TRPM2: variants seen among roughly 807,000 people sequenced by gnomAD.
TRPM2 encodes transient receptor potential cation channel subfamily M member 2, also known as estrogen-responsive element-associated gene 1 protein.
TRPM2 carries 161 observed loss-of-function variants against 174.0 expected under a neutral mutation model. That is an observed-to-expected ratio of 0.93 (90% CI 0.81 to 1.05). TRPM2 has a LOEUF of 1.05. TRPM2 is among the 50% of genes least tolerant of loss of function. The pLI, the probability that TRPM2 is intolerant of heterozygous loss-of-function variation, is 0.00. For synonymous variants in TRPM2, 954 were observed against 861.3 expected, an observed-to-expected ratio of 1.11 and a Z score of -1.88; for missense variants, 2,057 against 2,038.0, an observed-to-expected ratio of 1.01 and a Z score of -0.18.
chr21:44,351,948 G>A (rs1182834311), upstream of TRPM2, among the ~76,000 whole-genome samples: 1 of 152,222 alleles, frequency 6.6e-6, no homozygotes, highest in Admixed American at 6.5e-5. Context: ...TTAAGGCAGA[G>A]AGTCCCACAC....
In TRPM2 at chr21:44,399,227, T is replaced by C. The variant is rs2049527163; in HGVS notation, c.2063-69T>C. ...GTGGTGCTGTCCCGAGTGGTTGCCCTCTGACCCGTCCCCAGGGCTCAGTGA... is the reference window on the plus strand; with the variant it reads ...GTGGTGCTGTCCCGAGTGGTTGCCCCCTGACCCGTCCCCAGGGCTCAGTGA... On this transcript the variant is annotated intron_variant, in intron 13 of 31. Coordinates refer to ENST00000397928, the MANE Select transcript of TRPM2 (RefSeq NM_003307.4). This position sits in a 1 kb window ranked among gnomAD's most constrained non-coding sequence, Gnocchi z 4.6. 6.4e-7 allele frequency: 1 copy of C among 1,555,030 alleles called. No homozygotes were observed. Among genetic ancestry groups the C allele is most frequent in the African/African-American group, 1.4e-5 (1 of 73,776 alleles).
At chr21:44,406,786 G>A (rs1296484899) in intron 19 of TRPM2, 21 bp downstream of exon 19, 8 of 1,584,962 alleles carry the variant, frequency 5.0e-6, no homozygotes, top group African/African-American at 1.3e-5. Flanking sequence ...GGCGCCATGG[G>A]AGCTCGGGTG....
chr21:44,410,937 T>G (rs72497619), intron 19 of TRPM2, among the ~76,000 whole-genome samples: 1 of 62,776 alleles, frequency 1.6e-5, no homozygotes, highest in East Asian at 6.5e-4. Context: ...AGTTTTGACC[T>G]CACTGTCTTG....
chr21:44,376,755 T>C lies in TRPM2; in HGVS notation c.952+742T>C, dbSNP rs1294328080. On this transcript the variant is annotated intron_variant, in intron 6 of 31. Transcript: ENST00000397928. The surrounding 1 kb of genome is among the most constrained non-coding windows in gnomAD (Gnocchi z 4.2). Reference sequence around the variant, plus strand: ...GAACGGGAGGTGTCTGACCTGTGGCTGGGTGGGCTGGGGTCCCTTGCAGGG... The same window carrying C: ...GAACGGGAGGTGTCTGACCTGTGGCCGGGTGGGCTGGGGTCCCTTGCAGGG... Among the ~76,000 whole-genome samples, 1 of 152,146 alleles carries C rather than the reference T, an allele frequency of 6.6e-6. No individual in the cohort carries two copies. The highest frequency in any genetic ancestry group is 1.5e-5 in the Non-Finnish European group (1 of 68,008).
intron 9 of TRPM2, among the ~76,000 whole-genome samples, chr21:44,387,299 AG>A (rs1174467592): frequency 1.3e-5 from 2 of 152,254 alleles, no homozygotes; most frequent in Non-Finnish European, 2.9e-5. Context: ...TCATTCAGTG[AG>A]GAGAGGGACA....
chr21:44,427,669 G>A (rs932021290), intron 27 of TRPM2, among the ~76,000 whole-genome samples: 2 of 152,180 alleles, frequency 1.3e-5, no homozygotes, highest in Non-Finnish European at 2.9e-5. Context: ...ACCAGAACCT[G>A]GGACTGGGGG....
intron 5 of TRPM2, 84 bp downstream of exon 5, chr21:44,369,427 T>C: frequency 6.7e-7 from 1 of 1,488,562 alleles, no homozygotes; most frequent in Admixed American, 2.1e-5. Flanking sequence ...GCAGGTGGAG[T>C]GTACGGGGGC....
intron 22 of TRPM2, chr21:44,422,535 G>A: frequency 7.5e-7 from 1 of 1,329,632 alleles, no homozygotes; most frequent in Non-Finnish European, 1.0e-6. Context: ...TTTAAAGTGG[G>A]TCATATCCCC....
chr21:44,429,278 C>CTTTTT (rs35708355), intron 27 of TRPM2, among the ~76,000 whole-genome samples: 485 of 44,070 alleles, frequency 0.011, no homozygotes, highest in East Asian at 0.016. Flanking sequence ...TTTTCTTTTT[C>CTTTTT]TTTTTTTTTT....
intron 2 of TRPM2, among the ~76,000 whole-genome samples, chr21:44,360,234 G>A (rs2048173615): frequency 6.6e-6 from 1 of 152,204 alleles, no homozygotes; most frequent in Non-Finnish European, 1.5e-5. Flanking sequence ...GTTAGCAGTT[G>A]AAGAAAGAGA....
chr21:44,427,225 C>A, intron 27 of TRPM2, 114 bp downstream of exon 27: 2 of 878,742 alleles, frequency 2.3e-6, no homozygotes, highest in Non-Finnish European at 3.4e-6. Flanking sequence ...TCAAAAAAAG[C>A]ACGTGAGCCA....
intron 9 of TRPM2, among the ~76,000 whole-genome samples, chr21:44,387,057 A>C (rs541807502): frequency 7.2e-5 from 11 of 152,084 alleles, no homozygotes; most frequent in Non-Finnish European, 1.5e-4. Context: ...AAGGTGGTTC[A>C]TGCTTGTAGT....
intron 27 of TRPM2, among the ~76,000 whole-genome samples, chr21:44,429,993 C>T (rs2050967716): frequency 6.6e-6 from 1 of 152,148 alleles, no homozygotes; most frequent in African/African-American, 2.4e-5. Context: ...CTGAATGCTA[C>T]TAAATGGTTT....
chr21:44,373,638 G>GCAT (rs2048609872), intron 5 of TRPM2, among the ~76,000 whole-genome samples: 9 of 142,814 alleles, frequency 6.3e-5, no homozygotes, highest in Admixed American at 2.1e-4. Flanking sequence ...TATGCGACCC[G>GCAT]GATAGGCTGA....
At chr21:44,381,882 G>C (rs1427931878) in intron 8 of TRPM2, among the ~76,000 whole-genome samples, 2 of 151,138 alleles carry the variant, frequency 1.3e-5, no homozygotes, top group East Asian at 3.9e-4. Context: ...ACTCCAGCCT[G>C]GGTGGCAGAG....
chr21:44,390,851 G>A (rs1470422082), intron 9 of TRPM2, 53 bp from the exon 10 acceptor site: 1 of 1,610,092 alleles, frequency 6.2e-7, no homozygotes, highest in East Asian at 2.2e-5. Context: ...TCCCTGGAGG[G>A]AAATGGCTTT....
At position 44,399,521 on chromosome 21, in the gene TRPM2, G is replaced by A. The variant is rs1490164440; in HGVS notation, c.2208+80G>A. On this transcript the variant is annotated intron_variant, in intron 14 of 31. Coordinates refer to ENST00000397928, the MANE Select transcript of TRPM2 (RefSeq NM_003307.4). The surrounding 1 kb of genome is among the most constrained non-coding windows in gnomAD (Gnocchi z 4.6). Reference sequence around the variant, plus strand: ...GACACAGCCTCCTGTTCGTGCAGTTGGCACGCACACTCACACAGGCTTCAG... The same window carrying A: ...GACACAGCCTCCTGTTCGTGCAGTTAGCACGCACACTCACACAGGCTTCAG... 6.6e-7 allele frequency: 1 copy of A among 1,517,268 alleles called. No individual in the cohort carries two copies. The highest frequency in any genetic ancestry group is 1.4e-5 in the African/African-American group (1 of 72,448). 94.0% of individuals were successfully genotyped at this position (1,517,268 alleles called of 1,614,324 possible).
intron 5 of TRPM2, among the ~76,000 whole-genome samples, chr21:44,370,581 C>T (rs2048506848): frequency 6.6e-6 from 1 of 152,158 alleles, no homozygotes; most frequent in Non-Finnish European, 1.5e-5. Context: ...CTTGTTACCC[C>T]GAGGGGTGAT....
chr21:44,381,115 T>A (rs1438927231), intron 8 of TRPM2, among the ~76,000 whole-genome samples: 1 of 151,972 alleles, frequency 6.6e-6, no homozygotes, highest in Non-Finnish European at 1.5e-5. Context: ...CGTTGGGGTC[T>A]TAGGCATGGA....
Sources: allele counts gnomAD v4.1 joint callset (sites outside exome capture counted in the v4.1 genomes callset), GRCh38; gene constraint gnomAD v4.1.1; non-coding constraint Gnocchi (gnomAD v3.1); transcripts MANE v1.5; gene names NCBI Gene and HGNC (gene_info 2026-07-23, HGNC 2026-07-21).